Variants in CACNA2D3 observed in about 807,000 individuals in gnomAD.
CACNA2D3 encodes the protein voltage-dependent calcium channel subunit alpha-2/delta-3.
In CACNA2D3, 60 loss-of-function variants were observed where a neutral mutation model predicts 160.6. That is an observed-to-expected ratio of 0.37 (90% confidence interval 0.30 to 0.46). CACNA2D3 has a LOEUF of 0.46. CACNA2D3 is among the 20% of genes least tolerant of loss of function. The pLI, the probability that CACNA2D3 is intolerant of heterozygous loss-of-function variation, is 1.00. For synonymous variants in CACNA2D3, 558 were observed against 492.9 expected, an observed-to-expected ratio of 1.13 and a Z score of -1.75; for missense variants, 1,205 against 1,365.0, an observed-to-expected ratio of 0.88 and a Z score of 1.85.
intron 3 of CACNA2D3, among the ~76,000 whole-genome samples, chr3:54,343,910 A>G (rs1009340829): frequency 1.3e-5 from 2 of 152,234 alleles, no homozygotes; most frequent in South Asian, 2.1e-4. Context: ...GAGCAATAGT[A>G]TATTATGATA....
At position 54,812,267 on chromosome 3, in the gene CACNA2D3, G is replaced by T. The variant is rs564452736; in HGVS notation, c.1381-4586G>T. On this transcript the variant is annotated intron_variant, in intron 13 of 37. Coordinates refer to ENST00000474759, the MANE Select transcript of CACNA2D3 (RefSeq NM_018398.3). ...ATTTAGCTAAGCTTGGCTAAAATTA[G>T]GGTTTCTGGTACTGAAAAAGAAAAG... Among the ~76,000 whole-genome samples, 5 of 152,270 alleles carry T rather than the reference G, an allele frequency of 3.3e-5. No homozygotes were observed. In the South Asian group the frequency reaches 1.0e-3, roughly 32 times the overall value.
Position 54,975,543 on chromosome 3 carries a change from A to C in CACNA2D3, c.2556+5699A>C, listed in dbSNP as rs904505727. Reference sequence around the variant, plus strand: ...CTCCAAAAAAAAAAAAAAAAAAAAAAAAAACAACGTGGCCCCCTTTGGTGG... The same window carrying C: ...CTCCAAAAAAAAAAAAAAAAAAAAACAAAACAACGTGGCCCCCTTTGGTGG... On this transcript the variant is annotated intron_variant, in intron 29 of 37. Transcript: ENST00000474759. Among the ~76,000 whole-genome samples the C allele has an allele frequency of 5.3e-5, 8 of 150,592 alleles. No individual in the cohort carries two copies. In the East Asian group the frequency reaches 1.4e-3, roughly 26 times the overall value.
At chr3:54,135,475 C>T (rs942008014) in intron 2 of CACNA2D3, among the ~76,000 whole-genome samples, 6 of 152,348 alleles carry the variant, frequency 3.9e-5, no homozygotes, top group African/African-American at 7.2e-5. Context: ...AACACACCCC[C>T]GGACATGAGG....
chr3:54,575,731 CAGA>C (rs1702570103), intron 8 of CACNA2D3, among the ~76,000 whole-genome samples: 2 of 152,020 alleles, frequency 1.3e-5, no homozygotes, highest in Non-Finnish European at 2.9e-5. Context: ...GGTGGCTTAT[CAGA>C]AGAAGTCATG....
intron 9 of CACNA2D3, among the ~76,000 whole-genome samples, chr3:54,623,622 G>C (rs993535167): frequency 6.6e-6 from 1 of 152,150 alleles, no homozygotes; most frequent in Non-Finnish European, 1.5e-5. Context: ...ATTAGTCCAT[G>C]GCTTGATAGG....
intron 9 of CACNA2D3, among the ~76,000 whole-genome samples, chr3:54,620,260 C>A (rs1698955976): frequency 6.6e-6 from 1 of 152,156 alleles, no homozygotes; most frequent in Non-Finnish European, 1.5e-5. Flanking sequence ...ACTGACAGAA[C>A]TGAAAATGAA....
intron 35 of CACNA2D3, among the ~76,000 whole-genome samples, chr3:55,033,759 ATATAT>A (rs921836471): frequency 7.7e-6 from 1 of 129,310 alleles, no homozygotes; most frequent in Non-Finnish European, 1.6e-5. Context: ...TATATTAAAT[ATATAT>A]TATATAATAT....
chr3:54,262,575 A>G (rs528776884), intron 2 of CACNA2D3, among the ~76,000 whole-genome samples: 1 of 150,890 alleles, frequency 6.6e-6, no homozygotes, highest in East Asian at 2.0e-4. Context: ...AAAATGAAAG[A>G]CCTTACCAAA....
Position 54,503,392 on chromosome 3 carries a change from C to T in CACNA2D3, c.382-100C>T, listed in dbSNP as rs972539481. ...AAGATTATGTGAGCAGATCAGGGTCCACAGTGTAAGGGATGGCACATGGCC... is the reference window on the plus strand; with the variant it reads ...AAGATTATGTGAGCAGATCAGGGTCTACAGTGTAAGGGATGGCACATGGCC... On this transcript the variant is annotated intron_variant, in intron 4 of 37. Transcript: ENST00000474759. 5.0e-6 allele frequency: 5 copies of T among 1,004,114 alleles called. No individual in the cohort carries two copies. In the African/African-American group the frequency reaches 8.0e-5, roughly 16 times the overall value. The allele number at this position is 1,004,114 out of a possible 1,614,324, so 62.2% of individuals were successfully genotyped here. A position where few individuals can be genotyped will look rare whatever the true frequency, so the allele number is the denominator to read the frequency against.
intron 11 of CACNA2D3, among the ~76,000 whole-genome samples, chr3:54,728,217 G>C (rs947006378): frequency 7.9e-5 from 12 of 151,888 alleles, no homozygotes; most frequent in Admixed American, 1.3e-4. Context: ...TTCCAGTTAT[G>C]TATCAGATCT....
intron 4 of CACNA2D3, among the ~76,000 whole-genome samples, chr3:54,443,819 C>T (rs1015268960): frequency 2.6e-5 from 4 of 152,188 alleles, no homozygotes; most frequent in African/African-American, 7.2e-5. Flanking sequence ...TTTGAGTCAT[C>T]GGTCATAGAT....
chr3:54,713,796 CTG>C (rs2106968998), intron 11 of CACNA2D3, among the ~76,000 whole-genome samples: 1 of 152,342 alleles, frequency 6.6e-6, no homozygotes, highest in South Asian at 2.1e-4. Flanking sequence ...GCTAAGGAGT[CTG>C]TAGCCTTAGA....
At chr3:54,323,991 C>A (rs545646683) in intron 3 of CACNA2D3, among the ~76,000 whole-genome samples, 1 of 152,204 alleles carries the variant, frequency 6.6e-6, no homozygotes, top group African/African-American at 2.4e-5. Flanking sequence ...CACAAACAAC[C>A]CTGATTTATT....
At chr3:54,519,980 C>T (rs1487391755) in intron 5 of CACNA2D3, among the ~76,000 whole-genome samples, 1 of 152,184 alleles carries the variant, frequency 6.6e-6, no homozygotes, top group Non-Finnish European at 1.5e-5. Context: ...TTTGAACACA[C>T]CTATTATATA....
chr3:54,571,619 G>A (rs1702499207), intron 8 of CACNA2D3, among the ~76,000 whole-genome samples: 2 of 53,886 alleles, frequency 3.7e-5, no homozygotes, highest in Non-Finnish European at 3.5e-5. Flanking sequence ...CCAAGTGTGT[G>A]TGTGTGTGTG....
intron 8 of CACNA2D3, among the ~76,000 whole-genome samples, chr3:54,570,978 G>C (rs911474836): frequency 1.3e-5 from 2 of 152,166 alleles, no homozygotes; most frequent in Non-Finnish European, 2.9e-5. Flanking sequence ...TTGGGCACCT[G>C]TTCAGCTTGG....
At chr3:54,988,500 C>G (rs1702665907) in intron 31 of CACNA2D3, among the ~76,000 whole-genome samples, 1 of 152,112 alleles carries the variant, frequency 6.6e-6, no homozygotes, top group African/African-American at 2.4e-5. Context: ...CCCTTGGCCT[C>G]CCAGGAAGAA....
At chr3:54,162,440 A>G (rs1477387870) in intron 2 of CACNA2D3, among the ~76,000 whole-genome samples, 2 of 152,052 alleles carry the variant, frequency 1.3e-5, no homozygotes, top group Non-Finnish European at 2.9e-5. Flanking sequence ...GGGCCTCTCC[A>G]TATAGTCTCT....
At chr3:54,285,831 A>G (rs1703005627) in intron 2 of CACNA2D3, among the ~76,000 whole-genome samples, 1 of 152,218 alleles carries the variant, frequency 6.6e-6, no homozygotes, top group Non-Finnish European at 1.5e-5. Context: ...TCTGGAGTGG[A>G]CCTCTAGCAC....
Sources: allele counts gnomAD v4.1 joint callset (sites outside exome capture counted in the v4.1 genomes callset), GRCh38; gene constraint gnomAD v4.1.1; transcripts MANE v1.5; gene names NCBI Gene and HGNC (gene_info 2026-07-23, HGNC 2026-07-21).